The following KIZ variants were observed in gnomAD, a reference collection of about 807,000 sequenced individuals.
KIZ encodes kizuna centrosomal protein.
Under a neutral mutation model 79.6 loss-of-function variants are expected in KIZ, and 68 were observed. The ratio of observed to expected loss-of-function variants is 0.85; its 90% confidence interval spans 0.70 to 1.05. The LOEUF is 1.05. Among genes scored for constraint, KIZ ranks in the 50% least tolerant of loss-of-function variants. KIZ has a pLI of 0.00. For missense variants in KIZ, 797 were observed against 800.4 expected, an observed-to-expected ratio of 1.00 and a Z score of 0.05; for synonymous variants, 280 against 281.8, an observed-to-expected ratio of 0.99 and a Z score of 0.06.
Position 21,205,675 on chromosome 20 carries a change from AG to A in KIZ, c.1446+92del, listed in dbSNP as rs1346176240. The stretch of plus-strand genomic sequence containing the variant: ...TTTTTATTTAAAAAAAAAAAAAAAA[AG>A]TTTTGGCCAGGCGCCGTGGCTCACG... On this transcript the variant is annotated intron_variant, in intron 7 of 12. Coordinates refer to ENST00000619189, the MANE Select transcript of KIZ (RefSeq NM_018474.6). 71 of 541,722 alleles carry A rather than the reference AG, an allele frequency of 1.3e-4. No individual in the cohort carries two copies. In the African/African-American group the frequency reaches 1.4e-3, roughly 11 times the overall value. 33.6% of individuals were successfully genotyped at this position (541,722 alleles called of 1,614,324 possible). A position where few individuals can be genotyped will look rare whatever the true frequency, so the allele number is the denominator to read the frequency against.
At chr20:21,192,638 G>A (rs2035162490) in intron 6 of KIZ, among the ~76,000 whole-genome samples, 1 of 152,140 alleles carries the variant, frequency 6.6e-6, no homozygotes, top group Non-Finnish European at 1.5e-5. Context: ...CAGATTAATA[G>A]GAGAAAAGAC....
At chr20:21,165,859 C>T (rs1350581954) in intron 6 of KIZ, among the ~76,000 whole-genome samples, 1 of 152,228 alleles carries the variant, frequency 6.6e-6, no homozygotes, top group East Asian at 1.9e-4. Flanking sequence ...AAGCCAGTGG[C>T]ACAACCTCAG....
chr20:21,141,239 G>A (rs1427348290), intron 3 of KIZ, among the ~76,000 whole-genome samples: 1 of 152,072 alleles, frequency 6.6e-6, no homozygotes, highest in Non-Finnish European at 1.5e-5. Context: ...GGAGAACAGG[G>A]ATTTGACGGT....
chr20:21,200,527 A>G (rs2035550834), intron 6 of KIZ, among the ~76,000 whole-genome samples: 1 of 151,420 alleles, frequency 6.6e-6, no homozygotes, highest in Non-Finnish European at 1.5e-5. Context: ...GAGTGATGGG[A>G]GACAATGACA....
rs571042193 is a variant in KIZ, at chr20:21,201,454, G to A, written c.1353-4037G>A. 5.9e-5 allele frequency among the ~76,000 whole-genome samples: 9 copies of A among 152,132 alleles called. No individual in the cohort carries two copies. The East Asian group carries it at 1.7e-3, about 29-fold the overall frequency. On this transcript the variant is annotated intron_variant, in intron 6 of 12. Transcript: ENST00000619189. ...CTACTTTCAGATACGTTTCCCAATT[G>A]TGTTCTTATGCTCATACTGAAAAAT...
intron 11 of KIZ, among the ~76,000 whole-genome samples, chr20:21,233,093 C>T (rs2036888329): frequency 1.3e-5 from 2 of 152,226 alleles, no homozygotes; most frequent in Admixed American, 1.3e-4. Context: ...GCGTCTACAG[C>T]TGCTCGCAGT....
At chr20:21,209,555 G>T (rs1161232364) in intron 7 of KIZ, among the ~76,000 whole-genome samples, 5 of 152,032 alleles carry the variant, frequency 3.3e-5, no homozygotes, top group Non-Finnish European at 7.4e-5. Flanking sequence ...TCATTTGCTG[G>T]GTCATATGAA....
intron 6 of KIZ, chr20:21,166,148 A>ATTTTTTTTTT: frequency 2.4e-5 from 16 of 668,238 alleles, no homozygotes; most frequent in South Asian, 7.5e-5. Context: ...TGTATTTTGT[A>ATTTTTTTTTT]TTTTTTTTTT....
intron 10 of KIZ, among the ~76,000 whole-genome samples, chr20:21,229,437 G>T (rs1326611881): frequency 6.6e-6 from 1 of 152,226 alleles, no homozygotes. Context: ...ACAGCTACTA[G>T]TGTCTTAGTC....
intron 9 of KIZ, among the ~76,000 whole-genome samples, chr20:21,221,610 C>G (rs2036504233): frequency 6.6e-6 from 1 of 152,154 alleles, no homozygotes; most frequent in South Asian, 2.1e-4. Context: ...TGTGCCATTC[C>G]TCGTGGATAT....
chr20:21,243,510 TCTC>T (rs1399076091), intron 11 of KIZ, among the ~76,000 whole-genome samples: 2 of 152,144 alleles, frequency 1.3e-5, no homozygotes, highest in East Asian at 3.9e-4. Flanking sequence ...TCTCCCAACA[TCTC>T]CTGTGACCAT....
At chr20:21,127,810 G>C (rs182399508) in intron 1 of KIZ, among the ~76,000 whole-genome samples, 1 of 152,286 alleles carries the variant, frequency 6.6e-6, no homozygotes, top group Admixed American at 6.5e-5. Context: ...CCACCTCTCT[G>C]AACCTTGGTT....
intron 9 of KIZ, among the ~76,000 whole-genome samples, chr20:21,220,812 A>G (rs2036478864): frequency 6.6e-6 from 1 of 152,224 alleles, no homozygotes; most frequent in Non-Finnish European, 1.5e-5. Context: ...CAAAAAGACA[A>G]CTGCATCAGG....
intron 6 of KIZ, among the ~76,000 whole-genome samples, chr20:21,202,016 A>G (rs983814327): frequency 6.6e-5 from 10 of 152,212 alleles, no homozygotes; most frequent in African/African-American, 2.4e-4. Context: ...TTTCCGTTTG[A>G]CTTGGGCAAG....
chr20:21,147,961 T>TGTGTGTG (rs2032928617), intron 4 of KIZ, among the ~76,000 whole-genome samples: 1 of 141,036 alleles, frequency 7.1e-6, no homozygotes, highest in Non-Finnish European at 1.5e-5. Flanking sequence ...CTCCTGGAAT[T>TGTGTGTG]TGTGTGTGTG....
intron 6 of KIZ, among the ~76,000 whole-genome samples, chr20:21,202,629 A>C (rs2035644155): frequency 6.6e-6 from 1 of 152,206 alleles, no homozygotes; most frequent in Non-Finnish European, 1.5e-5. Flanking sequence ...CTGTACCTAG[A>C]CTTACTTTCT....
intron 4 of KIZ, among the ~76,000 whole-genome samples, chr20:21,156,140 G>T (rs1333583147): frequency 3.3e-5 from 5 of 152,166 alleles, no homozygotes; most frequent in African/African-American, 1.2e-4. Context: ...AGTACAAAGT[G>T]TTCCCTTGGA....
rs1221517651 is a variant in KIZ at position 21,244,277 on chromosome 20, T to C, written c.1913T>C (p.Leu638Ser). The change falls in exon 12 of 13, where the codon TTA becomes TCA. Residue 638 changes from leucine to serine, a missense_variant. Leu to Ser is a moderately radical substitution (Grantham distance 145). Transcript: ENST00000619189. ...HENKKKPVINLKSNALWDESD... is the reference protein window; with the variant it reads ...HENKKKPVINSKSNALWDESD... The stretch of plus-strand genomic sequence containing the variant: ...AACAAAAAGAAACCCGTGATCAATT[T>C]AAAATCTAATGGTGAGAGAGATAAT... The C allele has an allele frequency of 5.0e-6, 8 of 1,598,814 alleles. No homozygotes were observed. Among genetic ancestry groups the C allele is most frequent in the Non-Finnish European group, 6.9e-6 (8 of 1,166,586 alleles).
At chr20:21,192,532 A>C (rs1464672737) in intron 6 of KIZ, among the ~76,000 whole-genome samples, 3 of 152,138 alleles carry the variant, frequency 2.0e-5, no homozygotes. Context: ...CTTCAGTCTC[A>C]CTAAAAATAT....
Sources: allele counts gnomAD v4.1 joint callset (sites outside exome capture counted in the v4.1 genomes callset), GRCh38; gene constraint gnomAD v4.1.1; transcripts MANE v1.5; gene names NCBI Gene and HGNC (gene_info 2026-07-23, HGNC 2026-07-21).